Variants in TNRC6B observed in about 807,000 individuals in gnomAD.
TNRC6B encodes the protein trinucleotide repeat-containing gene 6B protein.
A neutral mutation model predicts 203.6 loss-of-function variants in TNRC6B; 52 were observed. That is an observed-to-expected ratio of 0.26 (90% confidence interval 0.20 to 0.32). The LOEUF (loss-of-function observed/expected upper bound fraction) is 0.32. TNRC6B is among the 10% of genes least tolerant of loss of function. The probability of loss-of-function intolerance (pLI) is 1.00; values close to 1 mark genes in which losing one functional copy is unlikely to be tolerated. For synonymous variants in TNRC6B, 838 were observed against 845.7 expected (o/e 0.99, Z 0.16); for missense variants, 1,923 against 2,286.2 (o/e 0.84, Z 3.24).
At chr22:40,153,346 A>G (rs540763333) in intron 3 of TNRC6B, among the ~76,000 whole-genome samples, 1 of 152,146 alleles carries the variant, frequency 6.6e-6, no homozygotes, top group Non-Finnish European at 1.5e-5. Flanking sequence ...AGGAGGAGAC[A>G]TCCCTAGCGA....
intron 1 of TNRC6B, among the ~76,000 whole-genome samples, chr22:40,182,454 G>T (rs1026429955): frequency 6.6e-6 from 1 of 152,196 alleles, no homozygotes; most frequent in Non-Finnish European, 1.5e-5. Context: ...ATTAAGACGG[G>T]TGTCAGGGGT....
chr22:40,321,420 C>A, intron 22 of TNRC6B, 191 bp downstream of exon 22: 1 of 594,452 alleles, frequency 1.7e-6, no homozygotes. Flanking sequence ...TTGGATTGTC[C>A]TGTATATATC....
chr22:40,111,635 G>A (rs1318063031), intron 1 of TNRC6B, among the ~76,000 whole-genome samples: 1 of 152,202 alleles, frequency 6.6e-6, no homozygotes, highest in Non-Finnish European at 1.5e-5. Flanking sequence ...ATTCCCAAGT[G>A]AGGCAGAAGA....
intron 6 of TNRC6B, among the ~76,000 whole-genome samples, chr22:40,270,969 C>T (rs2070554811): frequency 6.6e-6 from 1 of 152,222 alleles, no homozygotes; most frequent in African/African-American, 2.4e-5. Context: ...ACGATCTGTG[C>T]TGCCCAGTGA....
At position 40,328,392 on chromosome 22, in the gene TNRC6B, G is replaced by T. The variant is rs1812753761; in HGVS notation, c.*5151G>T. ...CCTGTGGGTTGAATATGGTATAGAA[G>T]GTATGCAAGAGGAAAAAGAAAGGAA... On this transcript the variant is annotated 3_prime_UTR_variant, in exon 23 of 23. Coordinates refer to ENST00000454349, the MANE Select transcript of TNRC6B (RefSeq NM_001162501.2). The T allele has an allele frequency of 6.6e-6, 1 of 152,084 alleles. No individual in the cohort carries two copies. Among genetic ancestry groups the T allele is most frequent in the African/African-American group, 2.4e-5 (1 of 41,408 alleles). The allele number at this position is 152,084 out of a possible 1,614,324, so 9.4% of individuals were successfully genotyped here.
chr22:40,106,856 C>T (rs970411049), intron 1 of TNRC6B: 34 of 1,099,304 alleles, frequency 3.1e-5, no homozygotes, highest in Non-Finnish European at 3.6e-5. Context: ...CCTCGCCATT[C>T]GAATTTCAGT....
chr22:40,115,689 C>T (rs1022546752), intron 1 of TNRC6B, among the ~76,000 whole-genome samples: 2 of 152,034 alleles, frequency 1.3e-5, no homozygotes, highest in African/African-American at 2.4e-5. Context: ...TTTGTCCAAC[C>T]AGGGAGGATA....
At chr22:40,284,710 T>A (rs1177313767) in intron 11 of TNRC6B, among the ~76,000 whole-genome samples, 3 of 152,184 alleles carry the variant, frequency 2.0e-5, no homozygotes, top group African/African-American at 7.2e-5. Flanking sequence ...TTAATCTGAA[T>A]GTGAAATCAG....
chr22:40,236,714 G>A (rs183716343), intron 1 of TNRC6B, among the ~76,000 whole-genome samples: 240 of 152,196 alleles, frequency 1.6e-3, no homozygotes, highest in African/African-American at 5.6e-3. Context: ...CTGAATTAAG[G>A]TTCTTATCAT....
At chr22:40,154,868 T>A (rs868367230) in intron 3 of TNRC6B, among the ~76,000 whole-genome samples, 367 of 34,136 alleles carry the variant, frequency 0.011, no homozygotes, top group African/African-American at 0.026. Flanking sequence ...AAAATATATA[T>A]ATATATATAT....
At chr22:40,269,075 T>G (rs1376512698) in intron 5 of TNRC6B, among the ~76,000 whole-genome samples, 16 of 150,844 alleles carry the variant, frequency 1.1e-4, no homozygotes, top group African/African-American at 1.5e-4. Context: ...TACTTATAGC[T>G]TCCAATTTTA....
At chr22:40,270,803 A>G (rs563860437) in intron 6 of TNRC6B, among the ~76,000 whole-genome samples, 8 of 152,348 alleles carry the variant, frequency 5.3e-5, no homozygotes, top group South Asian at 4.1e-4. Context: ...ATTAAAAATC[A>G]TAAGTTAATT....
rs1337073504 is a variant in TNRC6B at position 40,326,960 on chromosome 22, G to A, written c.*3719G>A. The stretch of plus-strand genomic sequence containing the variant: ...TTAATTGCTGTTTTGAAGATCTGCT[G>A]CTTAATTATCCCCATCCCTTAGCCG... On this transcript the variant is annotated 3_prime_UTR_variant, in exon 23 of 23. Transcript: ENST00000454349. 2 of 152,628 alleles carry A rather than the reference G, an allele frequency of 1.3e-5. No homozygotes were observed. The highest frequency in any genetic ancestry group is 3.8e-4 in the East Asian group (2 of 5,206). The allele number at this position is 152,628 out of a possible 1,614,324, so 9.5% of individuals were successfully genotyped here.
At chr22:40,159,792 T>C (rs2068855664) in intron 4 of TNRC6B, among the ~76,000 whole-genome samples, 1 of 152,136 alleles carries the variant, frequency 6.6e-6, no homozygotes, top group Admixed American at 6.5e-5. Context: ...CTTTTGTAAT[T>C]TGAGATATTT....
At position 40,045,834 on chromosome 22, in the gene TNRC6B, C is replaced by T. The variant is rs190138386; in HGVS notation, c.-121+836C>T. ...CACCTCTAGTCAAGCGCCTTAAGGA[C>T]CAGCTTATTCTGAATTCTTTGGAAT... is the stretch of plus-strand genomic sequence containing the variant. On this transcript the variant is annotated intron_variant, in intron 1 of 23. Transcript: ENST00000301923. 7.2e-4 allele frequency among the ~76,000 whole-genome samples: 110 copies of T among 152,284 alleles called. 1 individual carries two copies. The highest frequency in any genetic ancestry group is 3.2e-3 in the Admixed American group (49 of 15,304).
chr22:40,067,444 A>G (rs1365415210), intron 1 of TNRC6B, among the ~76,000 whole-genome samples: 2 of 152,120 alleles, frequency 1.3e-5, no homozygotes, highest in South Asian at 2.1e-4. Flanking sequence ...GTATGGATAC[A>G]TGAGAGAGGA....
In TNRC6B at chr22:40,331,050, C is replaced by G. The variant is rs1223742514; in HGVS notation, c.*7809C>G. 2 of 152,598 alleles carry G rather than the reference C, an allele frequency of 1.3e-5. No homozygotes were observed. Among genetic ancestry groups the G allele is most frequent in the Non-Finnish European group, 2.9e-5 (2 of 68,044 alleles). The allele number at this position is 152,598 out of a possible 1,614,324, so 9.5% of individuals were successfully genotyped here. On this transcript the variant is annotated 3_prime_UTR_variant, in exon 23 of 23. Coordinates refer to ENST00000454349, the MANE Select transcript of TNRC6B (RefSeq NM_001162501.2). The stretch of plus-strand genomic sequence containing the variant: ...TTTGGCTGTTTTGTTTTTTGTTTTT[C>G]TGTAAGCACTGGAGAATTGGAATAT...
At chr22:40,294,144 T>TTCCCAAC in intron 12 of TNRC6B, among the ~76,000 whole-genome samples, 1 of 151,644 alleles carries the variant, frequency 6.6e-6, no homozygotes, top group Non-Finnish European at 1.5e-5. Flanking sequence ...TCTCAGTTAT[T>TTCCCAAC]TGGGAGGCTG....
chr22:40,217,110 C>T (rs1218156768), intron 1 of TNRC6B, among the ~76,000 whole-genome samples: 1 of 152,156 alleles, frequency 6.6e-6, no homozygotes, highest in African/African-American at 2.4e-5. Context: ...TCCAGGAGCC[C>T]ATTTCCATAC....
Sources: gnomAD v4.1 joint callset for allele counts (sites outside exome capture counted in the v4.1 genomes callset) on GRCh38, gnomAD v4.1.1 for gene constraint, MANE v1.5 for transcripts, NCBI Gene and HGNC (gene_info 2026-07-23, HGNC 2026-07-21) for gene names.